Variants in SKA1 observed in about 807,000 individuals in gnomAD.
SKA1 encodes spindle and kinetochore associated complex subunit 1.
A neutral mutation model predicts 31.8 loss-of-function variants in SKA1; 20 were observed. The ratio of observed to expected loss-of-function variants is 0.63; its 90% CI spans 0.44 to 0.91. The LOEUF (loss-of-function observed/expected upper bound fraction) is 0.91. SKA1 is among the 40% of genes least tolerant of loss of function. The pLI is 0.00. For missense variants in SKA1, 253 were observed against 298.2 expected, an observed-to-expected ratio of 0.85 and a Z score of 1.12; for synonymous variants, 88 against 100.5, an observed-to-expected ratio of 0.88 and a Z score of 0.74.
intron 2 of SKA1, among the ~76,000 whole-genome samples, chr18:50,377,460 C>G (rs2041228058): frequency 6.6e-6 from 1 of 152,170 alleles, no homozygotes; most frequent in African/African-American, 2.4e-5. Flanking sequence ...AAGCTTATTA[C>G]TCTATATCAC....
intron 5 of SKA1, among the ~76,000 whole-genome samples, chr18:50,385,783 G>A (rs757682296): frequency 1.3e-5 from 2 of 152,198 alleles, no homozygotes; most frequent in African/African-American, 4.8e-5. Flanking sequence ...CAGAATAGAG[G>A]AATGAATAAG....
In SKA1 at chr18:50,385,767, G is replaced by C. The variant is rs16951845; in HGVS notation, c.449+414G>C. Reference sequence around the variant, plus strand: ...GCCTGTGCTATATTCCAGGCCCTGGGTCACTCAGAATAGAGGAATGAATAA... The same window carrying C: ...GCCTGTGCTATATTCCAGGCCCTGGCTCACTCAGAATAGAGGAATGAATAA... On this transcript the variant is annotated intron_variant, in intron 5 of 6. Coordinates refer to ENST00000285116, the MANE Select transcript of SKA1 (RefSeq NM_145060.4). 5.9e-5 allele frequency among the ~76,000 whole-genome samples: 9 copies of C among 152,286 alleles called. No individual in the cohort carries two copies. In the South Asian group the frequency reaches 1.5e-3, roughly 25 times the overall value.
At chr18:50,385,995 C>T (rs1171031157) in intron 5 of SKA1, among the ~76,000 whole-genome samples, 1 of 152,080 alleles carries the variant, frequency 6.6e-6, no homozygotes, top group Admixed American at 6.6e-5. Flanking sequence ...TGTTTGTTGT[C>T]AGAAAGTAAA....
At chr18:50,379,250 G>A (rs1051282703) in intron 2 of SKA1, among the ~76,000 whole-genome samples, 1 of 152,108 alleles carries the variant, frequency 6.6e-6, no homozygotes, top group Non-Finnish European at 1.5e-5. Context: ...CACCTAGAGA[G>A]GGGTGCTAGG....
chr18:50,382,390 A>T (rs888700038), intron 4 of SKA1, among the ~76,000 whole-genome samples, 164 bp downstream of exon 4: 1 of 152,134 alleles, frequency 6.6e-6, no homozygotes, highest in African/African-American at 2.4e-5. Flanking sequence ...CAGTTTTCTT[A>T]TCTTGGTGTC....
rs375763517 is a variant in SKA1, at chr18:50,392,352, CTT to C, written c.*118_*119del. ...TTTAACTTTTAATCTTTTTTGTTTC[CTT>C]TTTTTTTTTTTTGAGACAGGATCTT... is the stretch of plus-strand genomic sequence containing the variant. On this transcript the variant is annotated 3_prime_UTR_variant, in exon 7 of 7. Transcript: ENST00000285116. The C allele has an allele frequency of 0.015, 8,027 of 552,824 alleles. No individual in the cohort carries two copies. The highest frequency in any genetic ancestry group is 0.023 in the Middle Eastern group (38 of 1,686). 34.2% of individuals were successfully genotyped at this position (552,824 alleles called of 1,614,324 possible). A position where few individuals can be genotyped will look rare whatever the true frequency, so the allele number is the denominator to read the frequency against.
Position 50,393,530 on chromosome 18 carries a change from C to A in SKA1, c.*1283C>A, listed in dbSNP as rs1599734447. ...GTATAGGTCCTTAGGGAGCAGCTTA[C>A]CTGAAATGCATTTAGTGTACACCAG... On this transcript the variant is annotated 3_prime_UTR_variant, in exon 7 of 7. Transcript: ENST00000285116. 1 of 152,148 alleles carries A rather than the reference C, an allele frequency of 6.6e-6. No individual in the cohort carries two copies. The highest frequency in any genetic ancestry group is 1.9e-4 in the East Asian group (1 of 5,192). The allele number at this position is 152,148 out of a possible 1,614,324, so 9.4% of individuals were successfully genotyped here. A position where few individuals can be genotyped will look rare whatever the true frequency, so the allele number is the denominator to read the frequency against.
chr18:50,384,902 A>AG (rs1347758240), intron 4 of SKA1, among the ~76,000 whole-genome samples: 1 of 132,488 alleles, frequency 7.5e-6, no homozygotes, highest in African/African-American at 3.8e-5. Context: ...GAAAAAAAAA[A>AG]AAAAGAGAAG....
intron 1 of SKA1, 92 bp downstream of exon 1, chr18:50,375,286 G>C (rs947781311): frequency 6.6e-6 from 1 of 152,542 alleles, no homozygotes; most frequent in Non-Finnish European, 1.5e-5. Flanking sequence ...GGGCTTGGGG[G>C]AGGACGGGGC....
chr18:50,387,822 G>T (rs1168153200), intron 5 of SKA1, among the ~76,000 whole-genome samples: 4 of 152,290 alleles, frequency 2.6e-5, no homozygotes, highest in Non-Finnish European at 1.5e-5. Flanking sequence ...ATTTGAGTTA[G>T]TGGTTTGATA....
intron 3 of SKA1, among the ~76,000 whole-genome samples, chr18:50,381,765 G>A (rs1041259124): frequency 2.4e-4 from 29 of 121,612 alleles, no homozygotes; most frequent in Admixed American, 4.4e-4. Flanking sequence ...TTTCTCTGTC[G>A]CCCAGGCTGG....
At position 50,375,813 on chromosome 18, in the gene SKA1, T is replaced by C; in HGVS notation, c.-11-7T>C. ...TGTTACGAATATGTTTATGTTTTTT[T>C]CTTCAGAGGCTTAAAGGATGGCCTC... On this transcript the variant is annotated splice_polypyrimidine_tract_variant and splice_region_variant and intron_variant, in intron 1 of 6. Coordinates refer to ENST00000285116, the MANE Select transcript of SKA1 (RefSeq NM_145060.4). The C allele has an allele frequency of 6.5e-7, 1 of 1,540,164 alleles. No individual in the cohort carries two copies.
intron 3 of SKA1, among the ~76,000 whole-genome samples, chr18:50,381,722 GGTTTTTT>G (rs763760004): frequency 7.9e-6 from 1 of 125,884 alleles, no homozygotes. Context: ...CAGTCAATGT[GGTTTTTT>G]TTTTTTTTTT....
At position 50,390,914 on chromosome 18, in the gene SKA1, T is replaced by A. The variant is rs1470570804; in HGVS notation, c.450-210T>A. ...TTCTCCATAGGTAAACAATAGAGGT[T>A]AATAATTAGAGAAGGTAAGCACCAA... On this transcript the variant is annotated intron_variant, in intron 5 of 6. Transcript: ENST00000285116. Among the ~76,000 whole-genome samples, 3 of 152,256 alleles carry A rather than the reference T, an allele frequency of 2.0e-5. No homozygotes were observed. The East Asian group carries it at 5.8e-4, about 29-fold the overall frequency.
chr18:50,380,262 C>A lies in SKA1; in HGVS notation c.213+12C>A. 1 of 1,538,894 alleles carries A rather than the reference C, an allele frequency of 6.5e-7. No homozygotes were observed. The highest frequency in any genetic ancestry group is 1.3e-5 in the South Asian group (1 of 79,012). On this transcript the variant is annotated intron_variant, in intron 3 of 6. Coordinates refer to ENST00000285116, the MANE Select transcript of SKA1 (RefSeq NM_145060.4). Reference sequence around the variant, plus strand: ...ACAATTCACTCAAGGTAATGTTTCTCTAATGAGGAAGCAGTAAAAAAGACA... The same window carrying A: ...ACAATTCACTCAAGGTAATGTTTCTATAATGAGGAAGCAGTAAAAAAGACA...
chr18:50,380,324 A>C (rs771499932), intron 3 of SKA1, 74 bp downstream of exon 3: 1 of 1,388,242 alleles, frequency 7.2e-7, no homozygotes, highest in Non-Finnish European at 9.6e-7. Context: ...GTAATTTTTA[A>C]GGATGCTTTG....
At chr18:50,382,275 A>G in intron 4 of SKA1, 49 bp downstream of exon 4, 1 of 1,186,788 alleles carries the variant, frequency 8.4e-7, no homozygotes, top group Non-Finnish European at 1.2e-6. Context: ...TAAACCCATG[A>G]AAACAAGTTC....
rs936844949 is a variant in SKA1 at position 50,391,229 on chromosome 18, T to C, written c.555T>C (p.Ser185=). The change falls in exon 6 of 7, where the codon TCT becomes TCC. Residue 185 remains serine (S), a synonymous_variant. Coordinates refer to ENST00000285116, the MANE Select transcript of SKA1 (RefSeq NM_145060.4). The part of the protein sequence containing the change: ...KYKILHQPKK[S]MNSVTRNLYH... The stretch of plus-strand genomic sequence containing the variant: ...AAATCCTACATCAGCCAAAAAAGTC[T>C]ATGAATTCTGTGACCAGAAATCTCT... 1 of 1,605,804 alleles carries C rather than the reference T, an allele frequency of 6.2e-7. No homozygotes were observed. Among genetic ancestry groups the C allele is most frequent in the African/African-American group, 1.3e-5 (1 of 74,438 alleles).
In SKA1 at chr18:50,379,125, C is replaced by T. The variant is rs117767476; in HGVS notation, c.89-1001C>T. Among the ~76,000 whole-genome samples, 1,336 of 152,294 alleles carry T rather than the reference C, an allele frequency of 8.8e-3. 12 individuals are homozygous for T. Among genetic ancestry groups the T allele is most frequent in the Middle Eastern group, 0.017 (5 of 294 alleles). On this transcript the variant is annotated intron_variant, in intron 2 of 6. Coordinates refer to ENST00000285116, the MANE Select transcript of SKA1 (RefSeq NM_145060.4). ...TGTCATTGTTAGATAGCTGGAAATG[C>T]AGATGGGAAGCTTCAATTATGAAGG...
Sources: gnomAD v4.1 joint callset for allele counts (sites outside exome capture counted in the v4.1 genomes callset) on GRCh38, gnomAD v4.1.1 for gene constraint, MANE v1.5 for transcripts, NCBI Gene and HGNC (gene_info 2026-07-23, HGNC 2026-07-21) for gene names.